Variants in FBXL5 observed in about 807,000 individuals in gnomAD.
FBXL5 encodes the protein F-box and leucine rich repeat protein 5, also known as F-box/LRR-repeat protein 5.
FBXL5 carries 26 observed loss-of-function variants against 78.3 expected under a neutral mutation model. The ratio of observed to expected loss-of-function variants is 0.33; its 90% CI spans 0.24 to 0.46. The LOEUF is 0.46. FBXL5 is among the 20% of genes least tolerant of loss of function. The pLI is 1.00. For synonymous variants in FBXL5, 295 were observed against 282.5 expected (o/e 1.04, Z -0.45); for missense variants, 710 against 829.2 (o/e 0.86, Z 1.77).
At chr4:15,624,600 TAAA>T (rs61627875) in intron 9 of FBXL5, among the ~76,000 whole-genome samples, 20 of 130,296 alleles carry the variant, frequency 1.5e-4, no homozygotes, top group Non-Finnish European at 2.0e-4. Context: ...TCTAGGAGGT[TAAA>T]AAAAAAAAAA....
intron 7 of FBXL5, 97 bp from the exon 8 acceptor site, chr4:15,627,052 T>A: frequency 1.7e-6 from 1 of 600,736 alleles, no homozygotes; most frequent in Non-Finnish European, 2.8e-6. Context: ...TCACAAACTT[T>A]TGTGAATATA....
At chr4:15,607,138 T>C (rs1303962022) in intron 10 of FBXL5, among the ~76,000 whole-genome samples, 1 of 152,208 alleles carries the variant, frequency 6.6e-6, no homozygotes, top group East Asian at 1.9e-4. Flanking sequence ...ATTTTTAAGT[T>C]GATATGACAC....
intron 9 of FBXL5, among the ~76,000 whole-genome samples, chr4:15,622,596 A>C (rs771373010): frequency 5.9e-5 from 9 of 152,154 alleles, no homozygotes; most frequent in Non-Finnish European, 1.2e-4. Context: ...ATTCAGTCTG[A>C]TACTATGTTT....
At chr4:15,650,723 A>G (rs1310034437) in intron 1 of FBXL5, among the ~76,000 whole-genome samples, 1 of 140,146 alleles carries the variant, frequency 7.1e-6, no homozygotes, top group Non-Finnish European at 1.5e-5. Context: ...GCTGGAGTGC[A>G]ATCGCCAATT....
At chr4:15,676,468 T>C (rs1436849517) in intron 1 of FBXL5, among the ~76,000 whole-genome samples, 1 of 152,210 alleles carries the variant, frequency 6.6e-6, no homozygotes, top group Non-Finnish European at 1.5e-5. Flanking sequence ...GACTCTGTTA[T>C]ATATTAAGAG....
At chr4:15,658,361 ATGTT>A (rs1314172302), upstream of FBXL5, among the ~76,000 whole-genome samples, 1 of 152,228 alleles carries the variant, frequency 6.6e-6, no homozygotes, top group African/African-American at 2.4e-5. Flanking sequence ...TGTGGTTTGA[ATGTT>A]TGTCCTTTCT....
intron 5 of FBXL5, among the ~76,000 whole-genome samples, chr4:15,631,787 T>C (rs1485667399): frequency 1.3e-5 from 2 of 152,178 alleles, no homozygotes; most frequent in Non-Finnish European, 2.9e-5. Flanking sequence ...TGTACATTTG[T>C]TTAAGTTCTT....
intron 7 of FBXL5, 61 bp from the exon 8 acceptor site, chr4:15,627,016 A>G: frequency 9.8e-7 from 1 of 1,025,568 alleles, no homozygotes; most frequent in Non-Finnish European, 1.5e-6. Flanking sequence ...TAAGTAACAG[A>G]TGACTATTAG....
intron 1 of FBXL5, among the ~76,000 whole-genome samples, chr4:15,654,178 T>C (rs1206365958): frequency 6.6e-6 from 1 of 152,258 alleles, no homozygotes; most frequent in East Asian, 1.9e-4. Context: ...TGGTTCTGCA[T>C]AATGCTATGC....
upstream of FBXL5, among the ~76,000 whole-genome samples, chr4:15,656,996 A>AG (rs568225528): frequency 1.4e-3 from 217 of 150,170 alleles, no homozygotes; most frequent in African/African-American, 4.8e-3. Context: ...GCTTATTCAC[A>AG]GTCTGTCTTA....
intron 4 of FBXL5, among the ~76,000 whole-genome samples, chr4:15,637,263 A>G (rs543295597): frequency 6.6e-6 from 1 of 152,344 alleles, no homozygotes; most frequent in Non-Finnish European, 1.5e-5. Flanking sequence ...CAAAATGTAG[A>G]TATTTCTGAT....
chr4:15,622,380 A>G (rs1300811028), intron 9 of FBXL5, among the ~76,000 whole-genome samples: 2 of 152,200 alleles, frequency 1.3e-5, no homozygotes, highest in Non-Finnish European at 2.9e-5. Context: ...AATGAATGCA[A>G]AAAGAGTTGC....
intron 10 of FBXL5, among the ~76,000 whole-genome samples, chr4:15,607,115 T>C (rs1721942123): frequency 6.6e-6 from 1 of 152,168 alleles, no homozygotes; most frequent in Non-Finnish European, 1.5e-5. Context: ...AGCTTATGCT[T>C]TCAGTCATAT....
At position 15,625,265 on chromosome 4, in the gene FBXL5, C is replaced by A; in HGVS notation, c.1837G>T (p.Asp613Tyr). Residue 613 changes from aspartate (D) to tyrosine (Y), a missense_variant, in exon 9 of 11, where the codon GAC becomes TAC. Coordinates refer to ENST00000341285, the MANE Select transcript of FBXL5 (RefSeq NM_012161.4). ...CTGATAACTCACCTGAGACCATGGT[C>A]TGTGATCTGATAACATCCAGATAAA... ...LSLSGCYQIT[D>Y]HGLRVLTLGG... 6.2e-7 allele frequency: 1 copy of A among 1,610,794 alleles called. No individual in the cohort carries two copies. Among genetic ancestry groups the A allele is most frequent in the South Asian group, 1.1e-5 (1 of 90,518 alleles).
chr4:15,638,445 A>G (rs1714503922), intron 4 of FBXL5, 63 bp downstream of exon 4: 8 of 1,249,712 alleles, frequency 6.4e-6, no homozygotes, highest in Admixed American at 2.8e-5. Flanking sequence ...TCTACAGTTC[A>G]TATCAGTAAG....
At chr4:15,641,666 G>A (rs1387266714) in intron 2 of FBXL5, 2 of 447,780 alleles carry the variant, frequency 4.5e-6, no homozygotes, top group Non-Finnish European at 8.8e-6. Context: ...AGTTATACGT[G>A]GATTTTCAAC....
At chr4:15,627,221 G>A (rs976846579) in intron 7 of FBXL5, among the ~76,000 whole-genome samples, 7 of 139,478 alleles carry the variant, frequency 5.0e-5, no homozygotes, top group East Asian at 2.3e-4. Flanking sequence ...TGCAACCTCC[G>A]CCTTCCGGGT....
chr4:15,627,815 G>C, intron 7 of FBXL5, 70 bp downstream of exon 7: 2 of 1,489,228 alleles, frequency 1.3e-6, no homozygotes, highest in Non-Finnish European at 9.1e-7. Flanking sequence ...ATTAAACTCA[G>C]GAATGAGCAA....
intron 1 of FBXL5, among the ~76,000 whole-genome samples, chr4:15,666,902 A>G (rs560152211): frequency 6.6e-6 from 1 of 152,300 alleles, no homozygotes; most frequent in South Asian, 2.1e-4. Flanking sequence ...ATGGAGTGCT[A>G]AATGTGTTAA....
Sources: allele counts gnomAD v4.1 joint callset (sites outside exome capture counted in the v4.1 genomes callset), GRCh38; gene constraint gnomAD v4.1.1; transcripts MANE v1.5; gene names NCBI Gene and HGNC (gene_info 2026-07-23, HGNC 2026-07-21).